The following PPP2R5E variants were observed in gnomAD, a reference collection of about 807,000 sequenced individuals.
The protein encoded by PPP2R5E is serine/threonine-protein phosphatase 2A 56 kDa regulatory subunit epsilon isoform.
In PPP2R5E, 4 loss-of-function variants were observed where a neutral mutation model predicts 65.3. That is an observed-to-expected ratio of 0.06 (90% CI 0.03 to 0.14). The LOEUF (loss-of-function observed/expected upper bound fraction) is 0.14. PPP2R5E is among the 10% of genes least tolerant of loss of function. The pLI is 1.00. For synonymous variants in PPP2R5E, 183 were observed against 187.4 expected, an observed-to-expected ratio of 0.98 and a Z score of 0.19; for missense variants, 274 against 556.1, an observed-to-expected ratio of 0.49 and a Z score of 5.10.
chr14:63,487,353 A>ACCCC (rs142693850), intron 2 of PPP2R5E, among the ~76,000 whole-genome samples: 1 of 150,704 alleles, frequency 6.6e-6, no homozygotes, highest in Non-Finnish European at 1.5e-5. Context: ...ATAATTTACC[A>ACCCC]CCCCCCCCTC....
intron 3 of PPP2R5E, among the ~76,000 whole-genome samples, chr14:63,430,393 ACATACATGCATACATACATACATACATG>A (rs1887598960): frequency 2.2e-5 from 3 of 138,924 alleles, no homozygotes; most frequent in Admixed American, 1.4e-4. Context: ...ATACATACAT[ACATACATGCATACATACATACATACATG>A]CATACATACA....
chr14:63,396,465 A>AAGGC, intron 6 of PPP2R5E, 121 bp downstream of exon 6: 1 of 1,308,416 alleles, frequency 7.6e-7, no homozygotes, highest in Middle Eastern at 2.9e-4. Context: ...AGAATGAAGG[A>AAGGC]AGGCAGGCAG....
At chr14:63,529,685 G>A (rs1487412884) in intron 2 of PPP2R5E, among the ~76,000 whole-genome samples, 2 of 152,072 alleles carry the variant, frequency 1.3e-5, no homozygotes, top group African/African-American at 4.8e-5. Flanking sequence ...CCGAAAGACT[G>A]TTTTCTAAAG....
intron 1 of PPP2R5E, among the ~76,000 whole-genome samples, chr14:63,542,278 G>C (rs974781775): frequency 8.5e-5 from 13 of 152,128 alleles, no homozygotes; most frequent in Non-Finnish European, 1.8e-4. Context: ...TTTCGCCCTG[G>C]GCCAGGGCTC....
At chr14:63,521,555 C>A (rs1892907677) in intron 2 of PPP2R5E, among the ~76,000 whole-genome samples, 1 of 152,084 alleles carries the variant, frequency 6.6e-6, no homozygotes. Flanking sequence ...TAATCCCACT[C>A]AGGAGGCTGA....
intron 3 of PPP2R5E, among the ~76,000 whole-genome samples, chr14:63,424,289 G>A (rs1363078686): frequency 6.6e-6 from 1 of 152,150 alleles, no homozygotes; most frequent in African/African-American, 2.4e-5. Context: ...CAGGGATCTA[G>A]TTAGAGACAT....
At chr14:63,534,104 A>G (rs891682284) in intron 2 of PPP2R5E, among the ~76,000 whole-genome samples, 1 of 152,206 alleles carries the variant, frequency 6.6e-6, no homozygotes, top group Non-Finnish European at 1.5e-5. Flanking sequence ...TGGGGTGAGG[A>G]GAGAACATAA....
At chr14:63,421,708 G>A (rs1262415753) in intron 4 of PPP2R5E, among the ~76,000 whole-genome samples, 1 of 152,120 alleles carries the variant, frequency 6.6e-6, no homozygotes, top group Non-Finnish European at 1.5e-5. Context: ...CTTTGTTGGA[G>A]GCTCTAGAGG....
intron 3 of PPP2R5E, among the ~76,000 whole-genome samples, chr14:63,447,391 A>T (rs1888540034): frequency 6.6e-6 from 1 of 152,216 alleles, no homozygotes; most frequent in African/African-American, 2.4e-5. Context: ...TGTTAGAGAG[A>T]TGGCTATTTT....
At chr14:63,506,991 T>C (rs1288494423) in intron 2 of PPP2R5E, among the ~76,000 whole-genome samples, 1 of 152,228 alleles carries the variant, frequency 6.6e-6, no homozygotes, top group Non-Finnish European at 1.5e-5. Flanking sequence ...TGCGACAACA[T>C]GGAGGAACCT....
At chr14:63,379,897 T>G (rs1259358569) in intron 13 of PPP2R5E, among the ~76,000 whole-genome samples, 1 of 139,688 alleles carries the variant, frequency 7.2e-6, no homozygotes, top group Non-Finnish European at 1.5e-5. Context: ...TACAGTGGCA[T>G]GATCTTAGCT....
chr14:63,385,688 TA>T (rs141023577), intron 11 of PPP2R5E, among the ~76,000 whole-genome samples: 1,979 of 152,244 alleles, frequency 0.013, 42 homozygotes, highest in East Asian at 0.049. Flanking sequence ...CAGAAGGAGA[TA>T]CCATTGTGCT....
At chr14:63,520,859 C>CAAA (rs748146106) in intron 2 of PPP2R5E, among the ~76,000 whole-genome samples, 2,701 of 58,150 alleles carry the variant, frequency 0.046, 220 homozygotes, top group East Asian at 0.12. Context: ...ACTAAAAATA[C>CAAA]AAAAAAAAAA....
chr14:63,397,218 C>T (rs1885446880), intron 5 of PPP2R5E, among the ~76,000 whole-genome samples: 1 of 152,156 alleles, frequency 6.6e-6, no homozygotes, highest in African/African-American at 2.4e-5. Context: ...TTAAAATAAG[C>T]TGACTGCCTG....
chr14:63,534,688 C>T (rs550089887), intron 2 of PPP2R5E, among the ~76,000 whole-genome samples: 2 of 152,254 alleles, frequency 1.3e-5, no homozygotes, highest in East Asian at 3.9e-4. Flanking sequence ...GGAACAATCA[C>T]AGCTCACTGC....
At chr14:63,482,074 G>A (rs180866220) in intron 2 of PPP2R5E, among the ~76,000 whole-genome samples, 11 of 152,266 alleles carry the variant, frequency 7.2e-5, no homozygotes, top group Admixed American at 5.9e-4. Flanking sequence ...ATGCAACTAT[G>A]TAAACATGTA....
At chr14:63,442,716 G>A (rs2139437275) in intron 3 of PPP2R5E, among the ~76,000 whole-genome samples, 1 of 152,152 alleles carries the variant, frequency 6.6e-6, no homozygotes, top group African/African-American at 2.4e-5. Flanking sequence ...TTTATCATAG[G>A]TATATATGTA....
At chr14:63,475,819 A>G (rs1432012182) in intron 2 of PPP2R5E, among the ~76,000 whole-genome samples, 1 of 152,232 alleles carries the variant, frequency 6.6e-6, no homozygotes, top group Non-Finnish European at 1.5e-5. Flanking sequence ...GCCCTATTAA[A>G]AAGAAGGAAA....
At chr14:63,528,843 T>C (rs1244747468) in intron 2 of PPP2R5E, among the ~76,000 whole-genome samples, 1 of 152,154 alleles carries the variant, frequency 6.6e-6, no homozygotes, top group Non-Finnish European at 1.5e-5. Flanking sequence ...ATTTATTGAA[T>C]GCCAATTACG....
Sources: allele counts gnomAD v4.1 joint callset (sites outside exome capture counted in the v4.1 genomes callset), GRCh38; gene constraint gnomAD v4.1.1; transcripts MANE v1.5; gene names NCBI Gene and HGNC (gene_info 2026-07-23, HGNC 2026-07-21).